HNRNPH1: variants seen among roughly 807,000 people sequenced by gnomAD.
HNRNPH1 encodes heterogeneous nuclear ribonucleoprotein H.
Under a neutral mutation model 58.6 loss-of-function variants are expected in HNRNPH1, and 4 were observed. The ratio of observed to expected loss-of-function variants is 0.07; its 90% confidence interval spans 0.03 to 0.16. The LOEUF is 0.16. HNRNPH1 is among the 10% of genes least tolerant of loss of function. The pLI, the probability that HNRNPH1 is intolerant of heterozygous loss-of-function variation, is 1.00. For missense variants in HNRNPH1, 271 were observed against 564.2 expected (o/e 0.48, Z 5.26); for synonymous variants, 192 against 189.2 (o/e 1.01, Z -0.12).
At chr5:179,618,665 G>A in intron 4 of HNRNPH1, 1 of 188,510 alleles carries the variant, frequency 5.3e-6, no homozygotes, top group South Asian at 1.3e-4. Flanking sequence ...AGCATGTATA[G>A]CAAGTGGGCT....
intron 3 of HNRNPH1, chr5:179,620,580 T>C (rs1771874052): frequency 3.7e-6 from 1 of 268,010 alleles, no homozygotes; most frequent in Non-Finnish European, 7.2e-6. Flanking sequence ...AAAGGGATCT[T>C]ACCTTTAACT....
chr5:179,623,024 A>G lies in HNRNPH1; in HGVS notation c.97+13T>C. ...CCTCGAACTCGAACTCCCGCGTCCT[A>G]GTTCTAACTCACCAGAAAAAAACCT... On this transcript the variant is annotated intron_variant, in intron 1 of 12. Coordinates refer to ENST00000356731, the Ensembl canonical transcript of HNRNPH1. 6.9e-7 allele frequency: 1 copy of G among 1,459,308 alleles called. No homozygotes were observed. Among genetic ancestry groups the G allele is most frequent in the African/African-American group, 1.5e-5 (1 of 68,780 alleles). The allele number at this position is 1,459,308 out of a possible 1,614,324, so 90.4% of individuals were successfully genotyped here.
At chr5:179,624,559 T>A (rs1581756870) in exon 1 of HNRNPH1, 2 of 398,702 alleles carry the variant, frequency 5.0e-6, no homozygotes. Flanking sequence ...GCAGAATTGG[T>A]AAGAGTGCGT....
Position 179,633,456 on chromosome 5 carries a change from G to A in HNRNPH1, c.-32+609C>T, listed in dbSNP as rs558110908. ...GACTACAGGCACCCGCCCCACACCC[G>A]GCTAATTTTTTTTTTTTTTTTTTTT... is the stretch of plus-strand genomic sequence containing the variant. On this transcript the variant is annotated intron_variant, in intron 2 of 4. Coordinates refer to the HNRNPH1 transcript ENST00000521116. 2.8e-4 allele frequency among the ~76,000 whole-genome samples: 37 copies of A among 133,544 alleles called. No homozygotes were observed. In the East Asian group the frequency reaches 8.2e-3, roughly 30 times the overall value. 87.6% of individuals were successfully genotyped at this position (133,544 alleles called of 152,430 possible).
chr5:179,616,464 G>C (rs78518762), intron 10 of HNRNPH1: 8 of 544,154 alleles, frequency 1.5e-5, no homozygotes, highest in African/African-American at 5.7e-5. Context: ...ACATGATTCC[G>C]TAAGTAGAGG....
intron 11 of HNRNPH1, 126 bp from the exon 13 acceptor site, chr5:179,615,721 A>C: frequency 1.8e-6 from 1 of 552,626 alleles, no homozygotes; most frequent in Non-Finnish European, 3.3e-6. Flanking sequence ...GAACCCAACC[A>C]CCATTCTACT....
At chr5:179,618,461 A>C in intron 4 of HNRNPH1, 138 bp from the exon 6 acceptor site, 1 of 558,098 alleles carries the variant, frequency 1.8e-6, no homozygotes, top group South Asian at 2.8e-5. Context: ...GATTTCTTAT[A>C]TTTGCATAGG....
chr5:179,630,465 A>C (rs563882358), intron 2 of HNRNPH1, among the ~76,000 whole-genome samples: 1 of 152,320 alleles, frequency 6.6e-6, no homozygotes, highest in Non-Finnish European at 1.5e-5. Context: ...AAATAAAATA[A>C]CGCAAAGCCT....
At chr5:179,624,762 C>T (rs1350835829), upstream of HNRNPH1, 66 of 395,746 alleles carry the variant, frequency 1.7e-4, no homozygotes, top group East Asian at 2.3e-3. Context: ...ACAGACAATA[C>T]ACAAATTAAC....
Position 179,616,256 on chromosome 5 carries a change from T to C in HNRNPH1, c.1208-38A>G, listed in dbSNP as rs372229942. ...GAAAACATTAGAACCTTTTTTCTTA[T>C]GTGATGTGGTACCTGGTGGTACCGG... On this transcript the variant is annotated intron_variant, in intron 10 of 12. Coordinates refer to ENST00000356731, the Ensembl canonical transcript of HNRNPH1. The C allele has an allele frequency of 1.3e-4, 191 of 1,494,264 alleles. 1 individual carries two copies. The highest frequency in any genetic ancestry group is 1.7e-4 in the Non-Finnish European group (178 of 1,070,742). 92.6% of individuals were successfully genotyped at this position (1,494,264 alleles called of 1,614,324 possible). A position where few individuals can be genotyped will look rare whatever the true frequency, so the allele number is the denominator to read the frequency against.
At chr5:179,627,796 C>T (rs1774517497), upstream of HNRNPH1, among the ~76,000 whole-genome samples, 2 of 147,788 alleles carry the variant, frequency 1.4e-5, no homozygotes, top group Admixed American at 7.0e-5. Flanking sequence ...GTGGTGGGCG[C>T]CTGTAATCCC....
chr5:179,632,421 C>T (rs1034438991), intron 2 of HNRNPH1, among the ~76,000 whole-genome samples: 1 of 152,264 alleles, frequency 6.6e-6, no homozygotes, highest in Non-Finnish European at 1.5e-5. Context: ...GGCTGGGATC[C>T]CCGCGTCTCT....
At chr5:179,619,598 TA>T (rs1371364328) in intron 3 of HNRNPH1, 191 bp from the exon 5 acceptor site, 1 of 506,098 alleles carries the variant, frequency 2.0e-6, no homozygotes, top group Non-Finnish European at 3.5e-6. Context: ...TAACTATTCT[TA>T]ACACACCCAT....
upstream of HNRNPH1, among the ~76,000 whole-genome samples, chr5:179,626,894 G>A (rs1223165978): frequency 1.3e-5 from 2 of 150,214 alleles, no homozygotes; most frequent in African/African-American, 4.9e-5. Flanking sequence ...TCCTGCCTCA[G>A]CCTCCCGAGT....
intron 3 of HNRNPH1, among the ~76,000 whole-genome samples, chr5:179,620,473 T>A (rs566345172): frequency 6.6e-6 from 1 of 152,348 alleles, no homozygotes; most frequent in East Asian, 1.9e-4. Flanking sequence ...GACCATTAGA[T>A]GCTTCTGGTC....
chr5:179,621,878 C>T, intron 1 of HNRNPH1: 1 of 452,932 alleles, frequency 2.2e-6, no homozygotes. Flanking sequence ...CTAAAATGCT[C>T]CAAGTTGCAC....
At chr5:179,621,634 G>A (rs564243024) in intron 1 of HNRNPH1, 9 of 535,764 alleles carry the variant, frequency 1.7e-5, no homozygotes, top group African/African-American at 5.7e-5. Context: ...GTTTCAGAAT[G>A]AATTTATCTC....
intron 1 of HNRNPH1, chr5:179,621,920 A>G (rs1238569211): frequency 2.2e-6 from 1 of 456,244 alleles, no homozygotes. Context: ...TGCCCCCTGC[A>G]AGGCGGCTTC....
At chr5:179,617,515 C>T in exon 8 of HNRNPH1, 1 of 1,613,298 alleles carries the variant, frequency 6.2e-7, no homozygotes, top group Non-Finnish European at 8.5e-7. Flanking sequence ...CACACTTACG[C>T]ATATTTGCTT....
Sources: gnomAD v4.1 joint callset for allele counts (sites outside exome capture counted in the v4.1 genomes callset) on GRCh38, gnomAD v4.1.1 for gene constraint, MANE v1.5 for transcripts, NCBI Gene and HGNC (gene_info 2026-07-23, HGNC 2026-07-21) for gene names.